ARHGAP24: variants seen among roughly 807,000 people sequenced by gnomAD.
ARHGAP24 encodes Rho GTPase activating protein 24.
ARHGAP24 carries 50 observed loss-of-function variants against 76.4 expected under a neutral mutation model. The ratio of observed to expected loss-of-function variants is 0.65; its 90% CI spans 0.52 to 0.83. The LOEUF (loss-of-function observed/expected upper bound fraction) is 0.83, where lower values mean the gene tolerates loss of function less well. ARHGAP24 is among the 40% of genes least tolerant of loss of function. The pLI is 0.00. For missense variants in ARHGAP24, 930 were observed against 914.2 expected, an observed-to-expected ratio of 1.02 and a Z score of -0.22; for synonymous variants, 345 against 323.3, an observed-to-expected ratio of 1.07 and a Z score of -0.72.
intron 1 of ARHGAP24, among the ~76,000 whole-genome samples, chr4:85,559,523 G>C (rs1726514756): frequency 6.6e-6 from 1 of 152,176 alleles, no homozygotes; most frequent in African/African-American, 2.4e-5. Flanking sequence ...TTGGCATTTT[G>C]TATATTTGGA....
intron 2 of ARHGAP24, among the ~76,000 whole-genome samples, chr4:85,606,975 A>G (rs1274366413): frequency 5.9e-5 from 9 of 152,354 alleles, no homozygotes; most frequent in Middle Eastern, 3.4e-3. Context: ...ATAATAATAC[A>G]GACCTTACTT....
chr4:85,900,743 C>T (rs1734446834), intron 3 of ARHGAP24, among the ~76,000 whole-genome samples: 1 of 152,112 alleles, frequency 6.6e-6, no homozygotes, highest in Admixed American at 6.5e-5. Flanking sequence ...CCGTTCTTCG[C>T]ACCACAAAGG....
chr4:85,748,880 A>G (rs1251275900), intron 3 of ARHGAP24, among the ~76,000 whole-genome samples: 1 of 152,174 alleles, frequency 6.6e-6, no homozygotes, highest in East Asian at 1.9e-4. Flanking sequence ...TCTCTGACAC[A>G]GTGTTTCTCT....
intron 2 of ARHGAP24, among the ~76,000 whole-genome samples, chr4:85,713,380 A>AT (rs1724601803): frequency 6.6e-6 from 1 of 152,154 alleles, no homozygotes; most frequent in Admixed American, 6.6e-5. Context: ...TGTACTCATT[A>AT]TTTTTTAAAA....
At chr4:85,771,255 A>G (rs1727120527) in intron 3 of ARHGAP24, among the ~76,000 whole-genome samples, 1 of 152,242 alleles carries the variant, frequency 6.6e-6, no homozygotes, top group Non-Finnish European at 1.5e-5. Context: ...AAAGCCCAGG[A>G]AACCTAGTGG....
chr4:85,685,917 G>C (rs954644313), intron 2 of ARHGAP24, among the ~76,000 whole-genome samples: 12 of 152,210 alleles, frequency 7.9e-5, no homozygotes, highest in African/African-American at 2.7e-4. Flanking sequence ...GAAGTAACAG[G>C]GTGGATTGGT....
At chr4:85,572,755 AC>A (rs1023488056) in intron 2 of ARHGAP24, among the ~76,000 whole-genome samples, 9 of 152,014 alleles carry the variant, frequency 5.9e-5, no homozygotes, top group Non-Finnish European at 1.0e-4. Flanking sequence ...AACCAAACAG[AC>A]CATCACCATC....
chr4:85,965,951 A>G lies in ARHGAP24; in HGVS notation c.600-6085A>G, dbSNP rs189894974. Reference sequence around the variant, plus strand: ...CAAAAGTAGACTTGGGGGTTGTTTTAGTCAATTCAAACTGTCATAATAAAA... The same window carrying G: ...CAAAAGTAGACTTGGGGGTTGTTTTGGTCAATTCAAACTGTCATAATAAAA... On this transcript the variant is annotated intron_variant, in intron 5 of 9. Transcript: ENST00000395184. 3.9e-5 allele frequency among the ~76,000 whole-genome samples: 6 copies of G among 152,314 alleles called. No homozygotes were observed. In the East Asian group the frequency reaches 1.2e-3, roughly 29 times the overall value.
intron 3 of ARHGAP24, among the ~76,000 whole-genome samples, chr4:85,840,373 C>T (rs150194361): frequency 7.3e-4 from 111 of 152,218 alleles, no homozygotes; most frequent in African/African-American, 2.4e-3. Context: ...CCTTTAAGCC[C>T]CGGGCTAGTC....
intron 5 of ARHGAP24, among the ~76,000 whole-genome samples, chr4:85,967,480 T>G (rs900491133): frequency 6.6e-6 from 1 of 152,128 alleles, no homozygotes; most frequent in Non-Finnish European, 1.5e-5. Flanking sequence ...CATGTAATTC[T>G]CCCTTTAAGT....
At chr4:85,928,505 T>A (rs1736147031) in intron 4 of ARHGAP24, among the ~76,000 whole-genome samples, 2 of 152,202 alleles carry the variant, frequency 1.3e-5, no homozygotes, top group Admixed American at 1.3e-4. Flanking sequence ...TTGTCCAGGC[T>A]GGAGTGCAAT....
At chr4:85,806,111 T>C (rs186177161) in intron 3 of ARHGAP24, among the ~76,000 whole-genome samples, 194 of 152,334 alleles carry the variant, frequency 1.3e-3, no homozygotes, top group African/African-American at 4.5e-3. Context: ...ACATGAACTT[T>C]GAGTTTAGAA....
chr4:85,733,670 G>T (rs917705060), intron 3 of ARHGAP24, among the ~76,000 whole-genome samples: 2 of 152,112 alleles, frequency 1.3e-5, no homozygotes, highest in African/African-American at 4.8e-5. Context: ...AGCTGGGTTG[G>T]TTTCTTCTGA....
chr4:85,890,663 A>G lies in ARHGAP24; in HGVS notation c.269-32985A>G, dbSNP rs527595136. ...ACGTTCAGGTAGTGGCAGCTAGAAT[A>G]GCCTATCTAGAAAATCAGGGTGAGA... On this transcript the variant is annotated intron_variant, in intron 3 of 9. Coordinates refer to ENST00000395184, the MANE Select transcript of ARHGAP24 (RefSeq NM_001025616.3). Among the ~76,000 whole-genome samples, 8 of 152,288 alleles carry G rather than the reference A, an allele frequency of 5.3e-5. No individual in the cohort carries two copies. The South Asian group carries it at 1.0e-3, about 20-fold the overall frequency.
At chr4:85,840,017 C>CTTTTTT (rs70948759) in intron 3 of ARHGAP24, among the ~76,000 whole-genome samples, 12 of 116,050 alleles carry the variant, frequency 1.0e-4, no homozygotes, top group Non-Finnish European at 1.9e-4. Context: ...GCCTGGCTAA[C>CTTTTTT]TTTTTTTTTT....
chr4:85,520,293 A>G (rs1443338692), intron 1 of ARHGAP24, among the ~76,000 whole-genome samples: 2 of 152,150 alleles, frequency 1.3e-5, no homozygotes, highest in Non-Finnish European at 2.9e-5. Flanking sequence ...AGCTGCAGGT[A>G]AGTCATGAGA....
At chr4:85,769,879 G>A (rs34422670) in intron 3 of ARHGAP24, among the ~76,000 whole-genome samples, 75,819 of 151,970 alleles carry the variant, frequency 0.5, 22,326 homozygotes, top group Non-Finnish European at 0.68. Context: ...GAGCCACCGC[G>A]CCTGGCCAGT....
At chr4:85,691,523 C>G (rs947593929) in intron 2 of ARHGAP24, among the ~76,000 whole-genome samples, 2 of 152,052 alleles carry the variant, frequency 1.3e-5, no homozygotes, top group African/African-American at 4.8e-5. Context: ...TCTTGGTGCC[C>G]CAATGTTGGG....
intron 2 of ARHGAP24, among the ~76,000 whole-genome samples, chr4:85,587,275 C>T (rs988864849): frequency 6.6e-6 from 1 of 152,146 alleles, no homozygotes; most frequent in Non-Finnish European, 1.5e-5. Flanking sequence ...ATTACATTCT[C>T]ATAAAGAGAA....
Sources: gnomAD v4.1 joint callset for allele counts (sites outside exome capture counted in the v4.1 genomes callset) on GRCh38, gnomAD v4.1.1 for gene constraint, MANE v1.5 for transcripts, NCBI Gene and HGNC (gene_info 2026-07-23, HGNC 2026-07-21) for gene names.